Variants in PARP9 observed in about 807,000 individuals in gnomAD.
PARP9 encodes the protein poly(ADP-ribose) polymerase family member 9.
Under a neutral mutation model 68.8 loss-of-function variants are expected in PARP9, and 48 were observed. The observed-to-expected ratio is 0.70, with a 90% CI of 0.55 to 0.89. The LOEUF is 0.89. Among genes scored for constraint, PARP9 ranks in the 40% least tolerant of loss-of-function variants. The probability of loss-of-function intolerance (pLI) is 0.00; values close to 1 mark genes in which losing one functional copy is unlikely to be tolerated. For synonymous variants in PARP9, 309 were observed against 333.8 expected (o/e 0.93, Z 0.81); for missense variants, 806 against 969.3 (o/e 0.83, Z 2.24).
intron 3 of PARP9, chr3:122,558,184 G>C (rs2079866971): frequency 1.9e-6 from 2 of 1,035,726 alleles, no homozygotes; most frequent in Non-Finnish European, 2.7e-6. Context: ...GGTCAATTCA[G>C]CCATAGGCTG....
In PARP9 at chr3:122,538,658, C is replaced by CCACACACA. The variant is rs10577699; in HGVS notation, c.1766-1593_1766-1586dup. ...TGATTTCAGTTAATTTAAAGCAATGCCACACACACACACACACACACACAC... is the reference window on the plus strand; with the variant it reads ...TGATTTCAGTTAATTTAAAGCAATGCCACACACACACACACACACACACACACACACAC... On this transcript the variant is annotated intron_variant, in intron 8 of 10. Transcript: ENST00000682323. Among the ~76,000 whole-genome samples, 419 of 145,022 alleles carry CCACACACA rather than the reference C, an allele frequency of 2.9e-3. 1 individual carries two copies. The highest frequency in any genetic ancestry group is 3.5e-3 in the Non-Finnish European group (234 of 66,232).
At chr3:122,562,343 T>A (rs2080303074) in intron 1 of PARP9, among the ~76,000 whole-genome samples, 1 of 145,020 alleles carries the variant, frequency 6.9e-6, no homozygotes, top group South Asian at 2.2e-4. Context: ...CCACCACGCC[T>A]GGCTAATTTT....
At chr3:122,554,037 C>G (rs1418723960) in intron 4 of PARP9, among the ~76,000 whole-genome samples, 1 of 152,202 alleles carries the variant, frequency 6.6e-6, no homozygotes, top group Non-Finnish European at 1.5e-5. Flanking sequence ...CAGTGACCCC[C>G]AGCTAAATGC....
intron 7 of PARP9, among the ~76,000 whole-genome samples, chr3:122,544,717 T>G (rs189824524): frequency 1.2e-4 from 19 of 152,286 alleles, no homozygotes; most frequent in Non-Finnish European, 2.1e-4. Context: ...GTGCCTGTAG[T>G]CCAAGCTACT....
intron 10 of PARP9, among the ~76,000 whole-genome samples, chr3:122,529,753 C>CA (rs1172329461): frequency 0.045 from 3,036 of 67,910 alleles, 57 homozygotes; most frequent in African/African-American, 0.079. Flanking sequence ...GACTCCGTCC[C>CA]AAAAAAAAAA....
In PARP9 at chr3:122,542,827, T is replaced by C. The variant is rs1006236301; in HGVS notation, c.1385-1975A>G. 7.9e-5 allele frequency among the ~76,000 whole-genome samples: 12 copies of C among 152,178 alleles called. No individual in the cohort carries two copies. The East Asian group carries it at 2.3e-3, about 29-fold the overall frequency. On this transcript the variant is annotated intron_variant, in intron 7 of 10. Transcript: ENST00000682323. ...ATATGTGTTGGCAAAGCGAGCACTATTCTTCTAGATAAGTAAATTGTTCGG... is the reference window on the plus strand; with the variant it reads ...ATATGTGTTGGCAAAGCGAGCACTACTCTTCTAGATAAGTAAATTGTTCGG...
intron 3 of PARP9, among the ~76,000 whole-genome samples, chr3:122,557,774 T>C (rs1180530962): frequency 6.6e-6 from 1 of 152,186 alleles, no homozygotes; most frequent in Non-Finnish European, 1.5e-5. Flanking sequence ...AGGACCCAGC[T>C]TGGGACACTG....
At chr3:122,537,648 A>G (rs986660888) in intron 8 of PARP9, among the ~76,000 whole-genome samples, 4 of 152,242 alleles carry the variant, frequency 2.6e-5, no homozygotes, top group Non-Finnish European at 4.4e-5. Flanking sequence ...GCTTTCACCA[A>G]TGCTTTTTGT....
intron 7 of PARP9, 46 bp from the exon 8 acceptor site, chr3:122,540,898 G>GTT (rs200685111): frequency 2.7e-3 from 3,976 of 1,456,026 alleles, no homozygotes; most frequent in Middle Eastern, 4.8e-3. Flanking sequence ...GCAGTTTTTT[G>GTT]TTTTTTTTTT....
chr3:122,534,986 G>A, intron 10 of PARP9: 1 of 981,938 alleles, frequency 1.0e-6, no homozygotes, highest in Non-Finnish European at 1.2e-6. Flanking sequence ...TGTCTTAGAT[G>A]TTTTAGTAAG....
At chr3:122,539,567 C>CTTTCTTTCTTTCTTTCTTTT (rs1347024453) in intron 8 of PARP9, among the ~76,000 whole-genome samples, 2 of 86,916 alleles carry the variant, frequency 2.3e-5, no homozygotes, top group African/African-American at 8.9e-5. Context: ...TTCTTTCTTT[C>CTTTCTTTCTTTCTTTCTTTT]TTTTTTTTTT....
chr3:122,536,231 G>A lies in PARP9; in HGVS notation c.2017C>T (p.Pro673Ser), dbSNP rs1252899087. The change falls in exon 10 of 11, where the codon CCA (proline) becomes TCA (serine). Residue 673 changes from proline (P) to serine (S), a missense_variant. By Grantham distance (74) the Pro-to-Ser change is moderately conservative. Around this residue, in one of 2 missense-constraint regions of PARP9, gnomAD observed 680 missense variants for 858.8 expected, o/e 0.79. Transcript: ENST00000682323. ...CATACCACATTGCAGAACTGGTATG[G>A]GACTTGCTGAAACAGCCTATGGCTC... ...PVSHRLFQQVPYQFCNVVCRV... is the reference protein window; with the variant it reads ...PVSHRLFQQVSYQFCNVVCRV... The A allele has an allele frequency of 1.2e-6, 2 of 1,614,108 alleles. No homozygotes were observed. The highest frequency in any genetic ancestry group is 1.7e-6 in the Non-Finnish European group (2 of 1,180,008).
intron 10 of PARP9, among the ~76,000 whole-genome samples, chr3:122,530,341 G>A (rs1261467234): frequency 6.6e-6 from 1 of 152,148 alleles, no homozygotes; most frequent in South Asian, 2.1e-4. Context: ...TACTCTCCAT[G>A]GGTTGGCACA....
chr3:122,536,381 A>G, intron 9 of PARP9, 39 bp from the exon 10 acceptor site: 1 of 1,598,232 alleles, frequency 6.3e-7, no homozygotes, highest in Non-Finnish European at 8.5e-7. Context: ...AAGAGGCTAG[A>G]GAACCGCTCT....
intron 1 of PARP9, among the ~76,000 whole-genome samples, chr3:122,563,932 A>C (rs930396900): frequency 1.3e-5 from 2 of 152,166 alleles, no homozygotes; most frequent in African/African-American, 4.8e-5. Flanking sequence ...GCCCGTCTAA[A>C]GGGTAGAGTT....
chr3:122,535,233 C>T (rs1559805503), intron 10 of PARP9: 2 of 985,182 alleles, frequency 2.0e-6, no homozygotes, highest in Non-Finnish European at 2.4e-6. Context: ...CCTGATTGCC[C>T]CAAAAGGCTT....
intron 7 of PARP9, among the ~76,000 whole-genome samples, chr3:122,543,113 G>A (rs1175481949): frequency 1.3e-5 from 2 of 151,758 alleles, no homozygotes; most frequent in Non-Finnish European, 2.9e-5. Context: ...GTTTCACCAT[G>A]TTGGCCAAAC....
intron 6 of PARP9, among the ~76,000 whole-genome samples, chr3:122,549,885 C>A (rs1251890713): frequency 6.6e-6 from 1 of 151,862 alleles, no homozygotes; most frequent in Non-Finnish European, 1.5e-5. Context: ...AGAGGATTGG[C>A]TAAGAAGACA....
chr3:122,543,668 T>C (rs969642895), intron 7 of PARP9, among the ~76,000 whole-genome samples: 3 of 152,216 alleles, frequency 2.0e-5, no homozygotes, highest in African/African-American at 4.8e-5. Context: ...TGGAGTGCAG[T>C]GGCACAATCA....
Sources: gnomAD v4.1 joint callset for allele counts (sites outside exome capture counted in the v4.1 genomes callset) on GRCh38, gnomAD v4.1.1 for gene constraint, gnomAD v4.1.1 regional missense constraint, MANE v1.5 for transcripts, NCBI Gene and HGNC (gene_info 2026-07-23, HGNC 2026-07-21) for gene names.